The following FRMPD2 variants were observed in gnomAD, a reference collection of about 807,000 sequenced individuals.
The protein encoded by FRMPD2 is FERM and PDZ domain-containing protein 2.
Under a neutral mutation model 140.1 loss-of-function variants are expected in FRMPD2, and 96 were observed. That is an observed-to-expected ratio of 0.69 (90% CI 0.58 to 0.81). The LOEUF (loss-of-function observed/expected upper bound fraction) is 0.81. FRMPD2 is among the 40% of genes least tolerant of loss of function. The pLI, the probability that FRMPD2 is intolerant of heterozygous loss-of-function variation, is 0.00. For missense variants in FRMPD2, 1,240 were observed against 1,447.4 expected (o/e 0.86, Z 2.32); for synonymous variants, 449 against 547.6 (o/e 0.82, Z 2.52).
Position 48,232,271 on chromosome 10 carries a change from A to G in FRMPD2, c.1012T>C (p.Tyr338His). Residue 338 changes from tyrosine to histidine, a missense_variant, in exon 10 of 29, where the codon TAT (tyrosine) becomes CAT (histidine). Transcript: ENST00000374201. ...GSVVTKKGKS[Y>H]LALRDLCVVL... The stretch of plus-strand genomic sequence containing the variant: ...ACACAGAGGTCCCTGAGAGCCAAAT[A>G]GGATTTCCCTTTTTTGGTCTGAAAA... 1.2e-6 allele frequency: 2 copies of G among 1,611,152 alleles called. No individual in the cohort carries two copies. The highest frequency in any genetic ancestry group is 1.7e-6 in the Non-Finnish European group (2 of 1,178,406).
intron 1 of FRMPD2, among the ~76,000 whole-genome samples, chr10:48,268,738 G>T (rs975620296): frequency 6.6e-6 from 1 of 152,330 alleles, no homozygotes; most frequent in Non-Finnish European, 1.5e-5. Context: ...GATCTTTGTG[G>T]CGATAGAATA....
At chr10:48,230,675 T>C (rs184716253) in intron 10 of FRMPD2, among the ~76,000 whole-genome samples, 1 of 152,348 alleles carries the variant, frequency 6.6e-6, no homozygotes, top group East Asian at 1.9e-4. Flanking sequence ...AAAATTGTAT[T>C]ACACCTGTTA....
At chr10:48,191,076 C>G (rs1838819869) in intron 16 of FRMPD2, among the ~76,000 whole-genome samples, 1 of 152,190 alleles carries the variant, frequency 6.6e-6, no homozygotes, top group Non-Finnish European at 1.5e-5. Context: ...TTTTAACCAG[C>G]AGTATGGCAG....
chr10:48,219,386 G>T (rs1279326179), intron 12 of FRMPD2, among the ~76,000 whole-genome samples: 1 of 152,090 alleles, frequency 6.6e-6, no homozygotes, highest in South Asian at 2.1e-4. Flanking sequence ...CATGCTGGCT[G>T]GGAGGTCACC....
At chr10:48,209,303 T>C (rs965261666) in intron 13 of FRMPD2, among the ~76,000 whole-genome samples, 5 of 152,192 alleles carry the variant, frequency 3.3e-5, no homozygotes, top group African/African-American at 1.2e-4. Context: ...AATGGCTCCA[T>C]GGTTGAGGAA....
chr10:48,217,672 G>A (rs971811697), intron 12 of FRMPD2, among the ~76,000 whole-genome samples: 1 of 152,246 alleles, frequency 6.6e-6, no homozygotes, highest in East Asian at 1.9e-4. Context: ...TAGGTGTTGG[G>A]TTTTAATGTC....
At chr10:48,273,526 A>G (rs1840802598) in intron 1 of FRMPD2, among the ~76,000 whole-genome samples, 1 of 151,944 alleles carries the variant, frequency 6.6e-6, no homozygotes. Flanking sequence ...TCTGCTTGGG[A>G]TGCCTTTTCC....
At chr10:48,223,624 G>A (rs541220672) in intron 10 of FRMPD2, among the ~76,000 whole-genome samples, 1 of 152,172 alleles carries the variant, frequency 6.6e-6, no homozygotes, top group Non-Finnish European at 1.5e-5. Context: ...TGTGCAATGT[G>A]CCAGAACCCT....
chr10:48,163,668 G>A lies in FRMPD2; in HGVS notation c.3541C>T (p.Pro1181Ser), dbSNP rs1283133705. The A allele has an allele frequency of 5.2e-6, 8 of 1,537,368 alleles. 1 individual carries two copies. The highest frequency in any genetic ancestry group is 3.3e-5 in the South Asian group (3 of 89,696). The change falls in exon 28 of 29, where the codon CCT (proline) becomes TCT (serine). Residue 1181 changes from proline to serine, a missense_variant. Pro to Ser is a moderately conservative substitution (Grantham distance 74). Transcript: ENST00000374201. ...AATTCTTTGTCAGCTGAGAGTTCAG[G>A]TGTCTATTAAAAGAAATGCTACTGA... ...LPELEQEWQT[P>S]ELSADKEFTR... is the part of the protein sequence containing the mutation.
intron 17 of FRMPD2, among the ~76,000 whole-genome samples, chr10:48,186,809 A>T (rs1237976656): frequency 6.6e-6 from 1 of 152,220 alleles, no homozygotes; most frequent in African/African-American, 2.4e-5. Context: ...GGCCAGGAGG[A>T]TGCATGGCTG....
intron 12 of FRMPD2, among the ~76,000 whole-genome samples, chr10:48,214,555 T>C (rs892274485): frequency 2.0e-5 from 3 of 152,230 alleles, no homozygotes; most frequent in Non-Finnish European, 2.9e-5. Flanking sequence ...AAAATCCCTG[T>C]ATTTTCAATT....
chr10:48,183,851 C>CAAAAAAAAAAAAAAAAAAAAAAA lies in FRMPD2; in HGVS notation c.2584+714_2584+715insTTTTTTTTTTTTTTTTTTTTTTT, dbSNP rs57389978. Among the ~76,000 whole-genome samples the CAAAAAAAAAAAAAAAAAAAAAAA allele has an allele frequency of 2.3e-4, 18 of 76,744 alleles. 1 individual carries two copies. The highest frequency in any genetic ancestry group is 8.0e-4 in the African/African-American group (14 of 17,530). 50.3% of individuals were successfully genotyped at this position (76,744 alleles called of 152,430 possible). On this transcript the variant is annotated intron_variant, in intron 20 of 28. Coordinates refer to ENST00000374201, the MANE Select transcript of FRMPD2 (RefSeq NM_001018071.4). ...TGGGTGAAAGAGTGAGACTCCATCT[C>CAAAAAAAAAAAAAAAAAAAAAAA]AAAAAAAAAAAAGGAAAATCAAATA... is the stretch of plus-strand genomic sequence containing the variant.
chr10:48,221,755 T>C (rs1265011025), intron 12 of FRMPD2, among the ~76,000 whole-genome samples: 1 of 152,196 alleles, frequency 6.6e-6, no homozygotes, highest in Non-Finnish European at 1.5e-5. Flanking sequence ...ACTGGATTTA[T>C]TCATCTTTGT....
intron 12 of FRMPD2, among the ~76,000 whole-genome samples, chr10:48,218,136 C>T (rs1701649652): frequency 6.6e-6 from 1 of 152,146 alleles, no homozygotes; most frequent in Non-Finnish European, 1.5e-5. Flanking sequence ...CATGGTGTTT[C>T]TTTGTGTGTC....
chr10:48,245,928 G>A (rs2047748), intron 3 of FRMPD2, among the ~76,000 whole-genome samples: 13,848 of 152,290 alleles, frequency 0.091, 763 homozygotes, highest in South Asian at 0.12. Context: ...AATACAAGTG[G>A]TTTTAGTTTT....
chr10:48,167,739 C>T (rs1197733586), intron 27 of FRMPD2, among the ~76,000 whole-genome samples: 5 of 152,140 alleles, frequency 3.3e-5, no homozygotes, highest in African/African-American at 1.2e-4. Flanking sequence ...CGGTCACATA[C>T]CATCTAGATG....
At chr10:48,239,752 C>A (rs1003823522) in intron 6 of FRMPD2, 60 bp from the exon 7 acceptor site, 5 of 1,251,706 alleles carry the variant, frequency 4.0e-6, no homozygotes, top group Non-Finnish European at 2.3e-6. Flanking sequence ...TTTCTTAAAT[C>A]AGGCATCTCA....
At chr10:48,192,918 G>A (rs1376427449) in intron 15 of FRMPD2, 24 bp from the exon 16 acceptor site, 2 of 1,542,694 alleles carry the variant, frequency 1.3e-6, no homozygotes, top group South Asian at 1.1e-5. Context: ...GAAAAACATA[G>A]ACATACACAC....
chr10:48,223,347 C>T, intron 10 of FRMPD2, 77 bp from the exon 11 acceptor site: 2 of 1,446,130 alleles, frequency 1.4e-6, no homozygotes, highest in Admixed American at 1.9e-5. Context: ...AGCCCTAAGC[C>T]CTACCCAGAG....
Sources: allele counts gnomAD v4.1 joint callset (sites outside exome capture counted in the v4.1 genomes callset), GRCh38; gene constraint gnomAD v4.1.1; transcripts MANE v1.5; gene names NCBI Gene and HGNC (gene_info 2026-07-23, HGNC 2026-07-21).